PDGFC: variants seen among roughly 807,000 people sequenced by gnomAD.
The protein encoded by PDGFC is platelet derived growth factor C.
PDGFC carries 12 observed loss-of-function variants against 35.5 expected under a neutral mutation model. The ratio of observed to expected loss-of-function variants is 0.34; its 90% CI spans 0.22 to 0.55. The LOEUF (loss-of-function observed/expected upper bound fraction) is 0.55. Ranked by LOEUF, PDGFC falls within the 20% of genes least tolerant of loss-of-function variation. PDGFC has a pLI of 0.91. For missense variants in PDGFC, 322 were observed against 412.4 expected (o/e 0.78, Z 1.90); for synonymous variants, 159 against 148.8 (o/e 1.07, Z -0.50).
At chr4:156,782,813 G>A (rs1731018790) in intron 3 of PDGFC, among the ~76,000 whole-genome samples, 2 of 152,198 alleles carry the variant, frequency 1.3e-5, no homozygotes, top group South Asian at 4.1e-4. Flanking sequence ...GCAAGATATG[G>A]CTCTGAAAAC....
intron 2 of PDGFC, among the ~76,000 whole-genome samples, chr4:156,825,598 A>ATAATAG (rs1560828434): frequency 2.1e-5 from 2 of 95,532 alleles, no homozygotes; most frequent in Non-Finnish European, 4.3e-5. Context: ...AATAATAAGA[A>ATAATAG]GAAGAAGAAG....
At chr4:156,784,436 C>T (rs1433941580) in intron 3 of PDGFC, among the ~76,000 whole-genome samples, 7 of 152,098 alleles carry the variant, frequency 4.6e-5, no homozygotes, top group East Asian at 1.9e-4. Flanking sequence ...TAAAAGTAGG[C>T]CACTGTAGCT....
At chr4:156,952,131 T>C (rs2110941063) in intron 1 of PDGFC, among the ~76,000 whole-genome samples, 1 of 151,968 alleles carries the variant, frequency 6.6e-6, no homozygotes, top group East Asian at 1.9e-4. Flanking sequence ...TTTAAAATAC[T>C]AGTGTTTCAA....
chr4:156,956,596 A>C (rs1264999115), intron 1 of PDGFC, among the ~76,000 whole-genome samples: 1 of 151,990 alleles, frequency 6.6e-6, no homozygotes, highest in Non-Finnish European at 1.5e-5. Context: ...GAATAAGAAC[A>C]CTTTGCCACA....
At chr4:156,897,553 CA>C (rs1344199632) in intron 1 of PDGFC, among the ~76,000 whole-genome samples, 1 of 151,976 alleles carries the variant, frequency 6.6e-6, no homozygotes, top group African/African-American at 2.4e-5. Context: ...GAGGCTGATG[CA>C]AAATTATATA....
At chr4:156,845,195 C>T (rs758994143) in intron 2 of PDGFC, among the ~76,000 whole-genome samples, 7 of 151,392 alleles carry the variant, frequency 4.6e-5, no homozygotes, top group South Asian at 4.2e-4. Context: ...TGAACTGGAC[C>T]GAAAATAAAA....
intron 2 of PDGFC, among the ~76,000 whole-genome samples, chr4:156,814,844 T>C (rs947601832): frequency 1.3e-5 from 2 of 152,174 alleles, no homozygotes; most frequent in Non-Finnish European, 1.5e-5. Flanking sequence ...TTTTGCCTTC[T>C]CTGATTTATG....
intron 1 of PDGFC, among the ~76,000 whole-genome samples, chr4:156,851,625 G>A (rs1452166541): frequency 6.6e-6 from 1 of 151,932 alleles, no homozygotes; most frequent in Non-Finnish European, 1.5e-5. Flanking sequence ...TAAGAACTAG[G>A]CTAGTTATAG....
At position 156,857,078 on chromosome 4, in the gene PDGFC, G is replaced by GT. The variant is rs199579839; in HGVS notation, c.119-6663dup. 6.8e-3 allele frequency among the ~76,000 whole-genome samples: 966 copies of GT among 142,900 alleles called. 4 individuals are homozygous for GT. Among genetic ancestry groups the GT allele is most frequent in the South Asian group, 0.013 (60 of 4,516 alleles). 93.7% of individuals were successfully genotyped at this position (142,900 alleles called of 152,430 possible). The stretch of plus-strand genomic sequence containing the variant: ...TAGGCAAGCCACTTGATATCTGAGG[G>GT]TTTTTTTTTTTTGATAAACTGGAGA... On this transcript the variant is annotated intron_variant, in intron 1 of 5. Coordinates refer to ENST00000502773, the MANE Select transcript of PDGFC (RefSeq NM_016205.3).
chr4:156,891,550 C>A (rs1730510857), intron 1 of PDGFC, among the ~76,000 whole-genome samples: 1 of 136,470 alleles, frequency 7.3e-6, no homozygotes, highest in South Asian at 2.2e-4. Flanking sequence ...AAATCCTTTT[C>A]AGTGAGGTTT....
chr4:156,905,185 T>C (rs2197232), intron 1 of PDGFC, among the ~76,000 whole-genome samples: 2,477 of 152,184 alleles, frequency 0.016, 71 homozygotes, highest in African/African-American at 0.057. Context: ...ATTTCAAATA[T>C]AACCTTCAAG....
intron 1 of PDGFC, among the ~76,000 whole-genome samples, chr4:156,894,160 C>A (rs1361181721): frequency 6.6e-6 from 1 of 152,142 alleles, no homozygotes; most frequent in East Asian, 1.9e-4. Context: ...ATATTAGCAA[C>A]AATTTAAGTG....
intron 5 of PDGFC, among the ~76,000 whole-genome samples, chr4:156,765,197 C>A (rs1048032215): frequency 2.6e-5 from 4 of 152,020 alleles, no homozygotes; most frequent in Non-Finnish European, 5.9e-5. Context: ...GTTTTTAATT[C>A]ATTTTGAAAG....
chr4:156,948,345 C>T (rs949574421), intron 1 of PDGFC, among the ~76,000 whole-genome samples: 1 of 151,826 alleles, frequency 6.6e-6, no homozygotes, highest in African/African-American at 2.4e-5. Flanking sequence ...CCAAAAACAA[C>T]ATAGATAATT....
At chr4:156,853,157 A>G (rs1293956425) in intron 1 of PDGFC, among the ~76,000 whole-genome samples, 2 of 152,242 alleles carry the variant, frequency 1.3e-5, no homozygotes, top group African/African-American at 4.8e-5. Context: ...AGCTGTTTGA[A>G]TTATGGGTAT....
chr4:156,918,765 A>G (rs987738416), intron 1 of PDGFC, among the ~76,000 whole-genome samples: 2 of 152,124 alleles, frequency 1.3e-5, no homozygotes, highest in Non-Finnish European at 2.9e-5. Context: ...CCCTGGTGCC[A>G]AAAAGGTCAG....
intron 1 of PDGFC, among the ~76,000 whole-genome samples, chr4:156,929,651 T>A (rs1470408931): frequency 6.6e-6 from 1 of 152,194 alleles, no homozygotes; most frequent in East Asian, 1.9e-4. Context: ...CAGTGAATGA[T>A]TTACTGTTCA....
At chr4:156,908,579 C>T (rs1730970971) in intron 1 of PDGFC, among the ~76,000 whole-genome samples, 1 of 152,100 alleles carries the variant, frequency 6.6e-6, no homozygotes, top group South Asian at 2.1e-4. Context: ...ACCTATGTGG[C>T]AAAATGTTAG....
chr4:156,923,009 T>C (rs1731323572), intron 1 of PDGFC, among the ~76,000 whole-genome samples: 1 of 152,146 alleles, frequency 6.6e-6, no homozygotes, highest in African/African-American at 2.4e-5. Flanking sequence ...TTGCCCACGT[T>C]ATATAGTCTC....
Sources: gnomAD v4.1 joint callset for allele counts (sites outside exome capture counted in the v4.1 genomes callset) on GRCh38, gnomAD v4.1.1 for gene constraint, MANE v1.5 for transcripts, NCBI Gene and HGNC (gene_info 2026-07-23, HGNC 2026-07-21) for gene names.